Variants in KIAA0040 observed in about 807,000 individuals in gnomAD.
The protein encoded by KIAA0040 is KIAA0040, also known as uncharacterized protein KIAA0040.
Under a neutral mutation model 7.2 loss-of-function variants are expected in KIAA0040, and 10 were observed. That is an observed-to-expected ratio of 1.38 (90% CI 0.85 to 2.34). KIAA0040 has a LOEUF of 2.34. KIAA0040 is among the 30% of genes most tolerant of loss of function. The probability of loss-of-function intolerance (pLI) is 0.00; values close to 1 mark genes in which losing one functional copy is unlikely to be tolerated. For missense variants in KIAA0040, 89 were observed against 108.2 expected (o/e 0.82, Z 0.79); for synonymous variants, 49 against 40.1 (o/e 1.22, Z -0.84).
chr1:175,160,670 G>A lies in KIAA0040; in HGVS notation c.*44C>T. 1 of 1,492,868 alleles carries A rather than the reference G, an allele frequency of 6.7e-7. No individual in the cohort carries two copies. Among genetic ancestry groups the A allele is most frequent in the Non-Finnish European group, 8.9e-7 (1 of 1,119,212 alleles). 92.5% of individuals were successfully genotyped at this position (1,492,868 alleles called of 1,614,324 possible). A position where few individuals can be genotyped will look rare whatever the true frequency, so the allele number is the denominator to read the frequency against. On this transcript the variant is annotated 3_prime_UTR_variant, in exon 4 of 4. Transcript: ENST00000423313. ...CTGAAATGTCTGTGTGTGGTCAGAA[G>A]GAGGCTTAGCCCCAGAAAGGAAACA... is the stretch of plus-strand genomic sequence containing the variant.
At chr1:175,172,725 C>T (rs1677035963) in intron 2 of KIAA0040, among the ~76,000 whole-genome samples, 1 of 152,202 alleles carries the variant, frequency 6.6e-6, no homozygotes, top group Non-Finnish European at 1.5e-5. Flanking sequence ...CACTGCGTTA[C>T]ATCATTTTAC....
intron 1 of KIAA0040, among the ~76,000 whole-genome samples, chr1:175,188,448 T>C (rs1677747768): frequency 6.6e-6 from 1 of 152,212 alleles, no homozygotes; most frequent in Non-Finnish European, 1.5e-5. Context: ...AAGTCTATCA[T>C]GCTACTGTCT....
chr1:175,189,780 T>C (rs1677801142), intron 1 of KIAA0040, among the ~76,000 whole-genome samples: 1 of 152,242 alleles, frequency 6.6e-6, no homozygotes, highest in Admixed American at 6.5e-5. Context: ...TTCAATTTGA[T>C]TCTGATTCTA....
intron 2 of KIAA0040, among the ~76,000 whole-genome samples, chr1:175,167,934 C>T (rs1056713372): frequency 6.6e-6 from 1 of 151,738 alleles, no homozygotes; most frequent in South Asian, 2.1e-4. Flanking sequence ...CAGTCTCTAC[C>T]TGACTCCTCA....
In KIAA0040 at chr1:175,160,988, C is replaced by T. The variant is rs1676519059; in HGVS notation, c.26G>A (p.Ser9Asn). ...GGTCAAGATGGTGTCCCAGATAGAG[C>T]TGAAGAAGGCACTGATTCTCTCCAT... MERISAFF[S>N]SIWDTILTKH... is the part of the protein sequence containing the mutation. Residue 9 changes from serine (S) to asparagine (N), a missense_variant, in exon 4 of 4, where the codon AGC (serine) becomes AAC (asparagine). Transcript: ENST00000423313. The T allele has an allele frequency of 6.4e-7, 1 of 1,551,154 alleles. No individual in the cohort carries two copies. Among genetic ancestry groups the T allele is most frequent in the Non-Finnish European group, 8.7e-7 (1 of 1,146,912 alleles).
intron 1 of KIAA0040, among the ~76,000 whole-genome samples, chr1:175,178,658 C>G (rs1183175437): frequency 2.0e-5 from 3 of 152,162 alleles, no homozygotes; most frequent in African/African-American, 7.2e-5. Context: ...CCTTAGAGCA[C>G]TGAAGTCCTG....
intron 1 of KIAA0040, among the ~76,000 whole-genome samples, chr1:175,185,786 C>T (rs1249108559): frequency 6.6e-6 from 1 of 152,190 alleles, no homozygotes; most frequent in Non-Finnish European, 1.5e-5. Context: ...GGAAACAACA[C>T]AGATGTCGGT....
At chr1:175,165,643 G>A (rs1290660812) in intron 3 of KIAA0040, among the ~76,000 whole-genome samples, 1 of 152,240 alleles carries the variant, frequency 6.6e-6, no homozygotes, top group Non-Finnish European at 1.5e-5. Context: ...ACATCTGAAG[G>A]TGCCTGGAGG....
rs1451919900 is a variant in KIAA0040, at chr1:175,160,900, C to T, written c.114G>A (p.Leu38=). 3.2e-6 allele frequency: 5 copies of T among 1,551,430 alleles called. No individual in the cohort carries two copies. The highest frequency in any genetic ancestry group is 4.4e-6 in the Non-Finnish European group (5 of 1,146,976). ...CLGVLLGLPL[L]VIITLLFICC... ...AGATGAAGAGGAGTGTGATGATCACCAAGAGTGGCAGGCCCAGGAGGACTC... is the reference window on the plus strand; with the variant it reads ...AGATGAAGAGGAGTGTGATGATCACTAAGAGTGGCAGGCCCAGGAGGACTC... Residue 38 remains leucine (L), a synonymous_variant, in exon 4 of 4, where the codon TTG becomes TTA. Transcript: ENST00000423313.
At position 175,186,049 on chromosome 1, in the gene KIAA0040, G is replaced by T. The variant is rs141658593; in HGVS notation, c.-384+6591C>A. On this transcript the variant is annotated intron_variant, in intron 1 of 3. Transcript: ENST00000423313. ...GACCGGGAAGAGGGAACAAGAAGAA[G>T]AAATTGCTTAATGGTTATGGGTTTT... is the stretch of plus-strand genomic sequence containing the variant. Among the ~76,000 whole-genome samples, 561 of 152,276 alleles carry T rather than the reference G, an allele frequency of 3.7e-3. 2 individuals are homozygous for T. Among genetic ancestry groups the T allele is most frequent in the African/African-American group, 0.013 (541 of 41,544 alleles).
intron 2 of KIAA0040, among the ~76,000 whole-genome samples, chr1:175,170,078 T>G (rs116545037): frequency 0.01 from 1,545 of 152,220 alleles, 32 homozygotes; most frequent in African/African-American, 0.034. Context: ...AAAAGGTGAC[T>G]CTGAACTGAG....
At chr1:175,183,343 G>A (rs1426413892) in intron 1 of KIAA0040, among the ~76,000 whole-genome samples, 2 of 152,172 alleles carry the variant, frequency 1.3e-5, no homozygotes, top group South Asian at 2.1e-4. Context: ...TATGATCTGG[G>A]GAGATGAGAA....
In KIAA0040 at chr1:175,160,815, TC is replaced by T. The variant is rs769751721; in HGVS notation, c.198del (p.Lys67ArgfsTer35). ...TTCTTCTTCTTCTTCTTCTTCTTCTTCTTGTTCTTCTCTGGCTGCTGGCCCC... is the reference window on the plus strand; with the variant it reads ...TTCTTCTTCTTCTTCTTCTTCTTCTTTTGTTCTTCTCTGGCTGCTGGCCCC... ...GKRGQQPEKN[K>X]KKKKKKKKKD... On this transcript the variant is annotated frameshift_variant, in exon 4 of 4. Coordinates refer to ENST00000423313, the MANE Select transcript of KIAA0040 (RefSeq NM_014656.3). LOFTEE classifies it high-confidence loss of function. The T allele has an allele frequency of 4.0e-5, 22 of 551,760 alleles. No homozygotes were observed. The highest frequency in any genetic ancestry group is 5.8e-5 in the Non-Finnish European group (21 of 363,642). The allele number at this position is 551,760 out of a possible 1,614,324, so 34.2% of individuals were successfully genotyped here. A position where few individuals can be genotyped will look rare whatever the true frequency, so the allele number is the denominator to read the frequency against.
At chr1:175,165,644 T>C (rs1011812161) in intron 3 of KIAA0040, among the ~76,000 whole-genome samples, 46 of 152,310 alleles carry the variant, frequency 3.0e-4, no homozygotes, top group African/African-American at 1.1e-3. Flanking sequence ...CATCTGAAGG[T>C]GCCTGGAGGA....
chr1:175,163,390 C>T (rs566534338), intron 3 of KIAA0040, among the ~76,000 whole-genome samples: 1 of 152,344 alleles, frequency 6.6e-6, no homozygotes, highest in South Asian at 2.1e-4. Context: ...GCTGCCTGAA[C>T]TTAAACTCAA....
chr1:175,191,509 T>C (rs540137891), intron 1 of KIAA0040, among the ~76,000 whole-genome samples: 2 of 152,340 alleles, frequency 1.3e-5, no homozygotes, highest in African/African-American at 4.8e-5. Flanking sequence ...AGCCCAGCAC[T>C]GGGTGAAGGG....
intron 1 of KIAA0040, among the ~76,000 whole-genome samples, chr1:175,188,395 A>G (rs965011769): frequency 5.3e-5 from 8 of 152,198 alleles, no homozygotes; most frequent in Non-Finnish European, 8.8e-5. Context: ...TGTCTTTCAA[A>G]GAATTTGCAC....
chr1:175,159,982 C>A lies in KIAA0040; in HGVS notation c.*732G>T, dbSNP rs1676462638. 1 of 153,456 alleles carries A rather than the reference C, an allele frequency of 6.5e-6. No individual in the cohort carries two copies. The highest frequency in any genetic ancestry group is 2.4e-5 in the African/African-American group (1 of 41,436). 9.5% of individuals were successfully genotyped at this position (153,456 alleles called of 1,614,324 possible). ...AAAAGAGCTTTCAATGAATTTTGAA[C>A]CATCACACTTTAAACATCTTGGCAC... On this transcript the variant is annotated 3_prime_UTR_variant, in exon 4 of 4. Coordinates refer to ENST00000423313, the MANE Select transcript of KIAA0040 (RefSeq NM_014656.3).
intron 3 of KIAA0040, among the ~76,000 whole-genome samples, chr1:175,162,155 C>T (rs1676569784): frequency 6.6e-6 from 1 of 152,170 alleles, no homozygotes; most frequent in Non-Finnish European, 1.5e-5. Flanking sequence ...GGCTGCCTTC[C>T]ATTCTGGAAT....
Sources: allele counts gnomAD v4.1 joint callset (sites outside exome capture counted in the v4.1 genomes callset), GRCh38; gene constraint gnomAD v4.1.1; transcripts MANE v1.5; gene names NCBI Gene and HGNC (gene_info 2026-07-23, HGNC 2026-07-21).